Variants in CALU observed in about 807,000 individuals in gnomAD.
CALU encodes calumenin, also known as IEF SSP 9302.
Under a neutral mutation model 37.5 loss-of-function variants are expected in CALU, and 13 were observed. That is an observed-to-expected ratio of 0.35 (90% CI 0.23 to 0.55). CALU has a LOEUF of 0.55. Ranked by LOEUF, CALU falls within the 20% of genes least tolerant of loss-of-function variation. The pLI is 0.89. For missense variants in CALU, 282 were observed against 391.7 expected (o/e 0.72, Z 2.36); for synonymous variants, 114 against 133.8 (o/e 0.85, Z 1.02).
At chr7:128,768,851 A>AAAAAAAAAAAAAAAAAAAC (rs1801437487) in intron 6 of CALU, among the ~76,000 whole-genome samples, 3 of 147,966 alleles carry the variant, frequency 2.0e-5, no homozygotes. Flanking sequence ...CCGTCTCAAA[A>AAAAAAAAAAAAAAAAAAAC]AAAAAAAAAA....
intron 3 of CALU, among the ~76,000 whole-genome samples, chr7:128,755,876 G>T (rs1461346918): frequency 6.6e-6 from 1 of 152,170 alleles, no homozygotes; most frequent in African/African-American, 2.4e-5. Flanking sequence ...TAAAGCAAGC[G>T]TTCTCCGCCA....
chr7:128,752,150 TAC>T (rs755223662), intron 2 of CALU, among the ~76,000 whole-genome samples: 8 of 151,084 alleles, frequency 5.3e-5, no homozygotes, highest in East Asian at 1.9e-4. Flanking sequence ...AAAAAAAAAA[TAC>T]ACACACACAC....
Position 128,746,762 on chromosome 7 carries a change from C to CTT in CALU, c.-11-1788_-11-1787dup, listed in dbSNP as rs71162530. Among the ~76,000 whole-genome samples, 619 of 122,502 alleles carry CTT rather than the reference C, an allele frequency of 5.1e-3. 16 individuals carry two copies. The highest frequency in any genetic ancestry group is 0.016 in the African/African-American group (458 of 29,038). 80.4% of individuals were successfully genotyped at this position (122,502 alleles called of 152,430 possible). On this transcript the variant is annotated intron_variant, in intron 1 of 6. Transcript: ENST00000249364. ...CCACCACCCCCGGCCTCATGTCATT[C>CTT]TTTTTTTTTTTTTTTTTTTTTTTTG...
At chr7:128,752,708 G>A (rs553699530) in intron 2 of CALU, among the ~76,000 whole-genome samples, 2 of 152,096 alleles carry the variant, frequency 1.3e-5, no homozygotes, top group Admixed American at 6.5e-5. Flanking sequence ...TTTCTGAGAC[G>A]AAGTCTTGCT....
In CALU at chr7:128,769,129, G is replaced by A; in HGVS notation, c.910G>A (p.Asp304Asn). The A allele has an allele frequency of 6.2e-7, 1 of 1,612,524 alleles. No individual in the cohort carries two copies. The highest frequency in any genetic ancestry group is 8.5e-7 in the Non-Finnish European group (1 of 1,178,578). The change falls in exon 7 of 7, where the codon GAT becomes AAT. Residue 304 changes from aspartate to asparagine, a missense_variant. Physicochemically the swap from Asp to Asn is conservative, Grantham distance 23 (BLOSUM62 1). Transcript: ENST00000249364. ...CTTATTTGTTGGCAGCCAGGCCACAGATTTTGGGGAGGCCTTAGTACGGCA... is the reference window on the plus strand; with the variant it reads ...CTTATTTGTTGGCAGCCAGGCCACAAATTTTGGGGAGGCCTTAGTACGGCA... ...YDLFVGSQAT[D>N]FGEALVRHDE...
Position 128,759,985 on chromosome 7 carries a change from C to T in CALU, c.643+133C>T, listed in dbSNP as rs571444089. ...CCGAGGCGGGCAGATCACCTGAGGT[C>T]AGGAGTCCAAGTCCAGCCTGGCCAA... On this transcript the variant is annotated intron_variant, in intron 5 of 6. Coordinates refer to ENST00000249364, the MANE Select transcript of CALU (RefSeq NM_001219.5). 1.4e-4 allele frequency: 80 copies of T among 575,666 alleles called. 1 individual carries two copies. Among genetic ancestry groups the T allele is most frequent in the Non-Finnish European group, 2.2e-4 (71 of 319,342 alleles). The allele number at this position is 575,666 out of a possible 1,614,324, so 35.7% of individuals were successfully genotyped here.
intron 2 of CALU, 134 bp from the exon 3 acceptor site, chr7:128,754,128 C>G: frequency 1.5e-6 from 1 of 650,176 alleles, no homozygotes; most frequent in South Asian, 2.1e-5. Context: ...CCATTTTTTT[C>G]AGTTGCTGGC....
At chr7:128,758,237 CAG>C (rs1800968818) in intron 3 of CALU, among the ~76,000 whole-genome samples, 1 of 152,014 alleles carries the variant, frequency 6.6e-6, no homozygotes, top group Non-Finnish European at 1.5e-5. Context: ...TGAAAAAAAA[CAG>C]AATGTGACCT....
intron 5 of CALU, among the ~76,000 whole-genome samples, chr7:128,762,678 G>GT (rs920305888): frequency 2.0e-4 from 30 of 151,510 alleles, no homozygotes; most frequent in South Asian, 1.0e-3. Context: ...ATTTATTTAT[G>GT]TTTTTTTTGA....
At chr7:128,752,942 G>A (rs906121156) in intron 2 of CALU, among the ~76,000 whole-genome samples, 1 of 152,108 alleles carries the variant, frequency 6.6e-6, no homozygotes, top group East Asian at 1.9e-4. Context: ...TGCCCGCCTC[G>A]GCCTCCCAAA....
chr7:128,746,762 C>T (rs1274202718), intron 1 of CALU, among the ~76,000 whole-genome samples: 6 of 122,662 alleles, frequency 4.9e-5, no homozygotes, highest in South Asian at 2.4e-4. Flanking sequence ...TCATGTCATT[C>T]TTTTTTTTTT....
chr7:128,767,704 C>A, intron 6 of CALU, 49 bp downstream of exon 6: 2 of 1,448,424 alleles, frequency 1.4e-6, no homozygotes, highest in South Asian at 1.2e-5. Context: ...AAGTATGCTT[C>A]TAGGGGATCA....
At chr7:128,743,180 A>G (rs1299450449) in intron 1 of CALU, among the ~76,000 whole-genome samples, 3 of 152,082 alleles carry the variant, frequency 2.0e-5, no homozygotes, top group African/African-American at 7.2e-5. Flanking sequence ...CCAAGAAAAA[A>G]ATATTAGATG....
rs1370011294 is a variant in CALU at position 128,771,550 on chromosome 7, G to A, written c.*2383G>A. ...GAATTATGGATGCTCTAAAATGTCA[G>A]AATGGGAACTCTCCTCGAAGTTCTC... is the stretch of plus-strand genomic sequence containing the variant. On this transcript the variant is annotated 3_prime_UTR_variant, in exon 7 of 7. Coordinates refer to ENST00000249364, the MANE Select transcript of CALU (RefSeq NM_001219.5). 2.6e-5 allele frequency: 4 copies of A among 152,604 alleles called. No homozygotes were observed. Among genetic ancestry groups the A allele is most frequent in the African/African-American group, 9.7e-5 (4 of 41,440 alleles). The allele number at this position is 152,604 out of a possible 1,614,324, so 9.5% of individuals were successfully genotyped here.
Position 128,772,803 on chromosome 7 carries a change from C to T in CALU, c.*3636C>T. 9.2e-7 allele frequency: 1 copy of T among 1,090,662 alleles called. No homozygotes were observed. The highest frequency in any genetic ancestry group is 1.4e-6 in the Non-Finnish European group (1 of 731,576). The allele number at this position is 1,090,662 out of a possible 1,614,324, so 67.6% of individuals were successfully genotyped here. ...GTGGTTTTGAATCTATCTTCCCCAT[C>T]CTGAAAACTATCTAGATTCCAGTCT... On this transcript the variant is annotated 3_prime_UTR_variant, in exon 7 of 7. Transcript: ENST00000249364.
chr7:128,759,602 A>G (rs1456047237), intron 4 of CALU, among the ~76,000 whole-genome samples, 190 bp from the exon 5 acceptor site: 1 of 152,250 alleles, frequency 6.6e-6, no homozygotes, highest in Admixed American at 6.5e-5. Context: ...GAAATTGCTC[A>G]TGTTTTACCA....
At chr7:128,764,173 A>T (rs901644488) in intron 5 of CALU, among the ~76,000 whole-genome samples, 1 of 152,138 alleles carries the variant, frequency 6.6e-6, no homozygotes, top group Non-Finnish European at 1.5e-5. Context: ...CATTCCTGTA[A>T]TCCCAGAACT....
intron 6 of CALU, among the ~76,000 whole-genome samples, 175 bp from the exon 7 acceptor site, chr7:128,768,878 TGTAATTGCTG>T (rs1801446184): frequency 4.3e-5 from 4 of 93,592 alleles, no homozygotes; most frequent in Admixed American, 9.6e-5. Flanking sequence ...ACAAGGAATG[TGTAATTGCTG>T]TTTTCTTCCC....
rs1801568861 is a variant in CALU at position 128,771,655 on chromosome 7, T to C, written c.*2488T>C. ...TTTCTGGTATTTTCTAGCATCCTTCTCACCACAGCCATAACCCTTTTTTAC... is the reference window on the plus strand; with the variant it reads ...TTTCTGGTATTTTCTAGCATCCTTCCCACCACAGCCATAACCCTTTTTTAC... On this transcript the variant is annotated 3_prime_UTR_variant, in exon 7 of 7. Coordinates refer to ENST00000249364, the MANE Select transcript of CALU (RefSeq NM_001219.5). 1 of 152,278 alleles carries C rather than the reference T, an allele frequency of 6.6e-6. No individual in the cohort carries two copies. Among genetic ancestry groups the C allele is most frequent in the South Asian group, 2.1e-4 (1 of 4,836 alleles). The allele number at this position is 152,278 out of a possible 1,614,324, so 9.4% of individuals were successfully genotyped here. A position where few individuals can be genotyped will look rare whatever the true frequency, so the allele number is the denominator to read the frequency against.
Sources: allele counts gnomAD v4.1 joint callset (sites outside exome capture counted in the v4.1 genomes callset), GRCh38; gene constraint gnomAD v4.1.1; transcripts MANE v1.5; gene names NCBI Gene and HGNC (gene_info 2026-07-23, HGNC 2026-07-21).